Variants in ABCC5 observed in about 807,000 individuals in gnomAD.
The protein encoded by ABCC5 is ATP binding cassette subfamily C member 5, also known as ATP-binding cassette sub-family C member 5.
Under a neutral mutation model 160.9 loss-of-function variants are expected in ABCC5, and 61 were observed. The ratio of observed to expected loss-of-function variants is 0.38; its 90% CI spans 0.31 to 0.47. The LOEUF is 0.47. ABCC5 is among the 20% of genes least tolerant of loss of function. ABCC5 has a pLI of 0.99. For synonymous variants in ABCC5, 666 were observed against 700.6 expected (o/e 0.95, Z 0.78); for missense variants, 1,308 against 1,813.3 (o/e 0.72, Z 5.06).
chr3:183,959,620 C>T (rs986290397), intron 17 of ABCC5, 113 bp downstream of exon 17: 10 of 797,788 alleles, frequency 1.3e-5, no homozygotes, highest in Non-Finnish European at 2.0e-5. Flanking sequence ...AATGTAAGAC[C>T]AAGTATTTAT....
chr3:183,987,834 C>A lies in ABCC5; in HGVS notation c.527G>T (p.Arg176Leu). 1 of 1,613,918 alleles carries A rather than the reference C, an allele frequency of 6.2e-7. No homozygotes were observed. Among genetic ancestry groups the A allele is most frequent in the South Asian group, 1.1e-5 (1 of 91,062 alleles). ...SLRRVVWIFC[R>L]TRLILSIVCL... Reference sequence around the variant, plus strand: ...CACGATGGACAGGATGAGCCTGGTGCGGCAGAAGATCCACACAACCCTTCG... The same window carrying A: ...CACGATGGACAGGATGAGCCTGGTGAGGCAGAAGATCCACACAACCCTTCG... The change falls in exon 5 of 30, where the codon CGC (arginine) becomes CTC (leucine). Residue 176 changes from arginine to leucine, a missense_variant. Arg to Leu is a moderately radical substitution (Grantham distance 102). Coordinates refer to ENST00000334444, the MANE Select transcript of ABCC5 (RefSeq NM_005688.4). This position sits in a 1 kb window ranked among gnomAD's most constrained non-coding sequence, Gnocchi z 4.2.
Position 183,956,551 on chromosome 3 carries a change from C to A in ABCC5, c.2482+3182G>T, listed in dbSNP as rs187841293. Reference sequence around the variant, plus strand: ...ATGCAGATCAGTGTGTATATCACATCGGTTACATGCAGATCAGTGTGTATA... The same window carrying A: ...ATGCAGATCAGTGTGTATATCACATAGGTTACATGCAGATCAGTGTGTATA... On this transcript the variant is annotated intron_variant, in intron 17 of 29. Transcript: ENST00000334444. Among the ~76,000 whole-genome samples the A allele has an allele frequency of 5.4e-5, 8 of 147,084 alleles. No individual in the cohort carries two copies. The East Asian group carries it at 1.7e-3, about 32-fold the overall frequency.
Position 183,987,972 on chromosome 3 carries a change from A to C in ABCC5, c.444-55T>G. 1 of 1,584,674 alleles carries C rather than the reference A, an allele frequency of 6.3e-7. No individual in the cohort carries two copies. Among genetic ancestry groups the C allele is most frequent in the Non-Finnish European group, 8.6e-7 (1 of 1,163,210 alleles). Reference sequence around the variant, plus strand: ...ATCTCCTCGGGGGAAAGGCACACCTAGCTCCCCGCCTGCCACCACTTTTTG... The same window carrying C: ...ATCTCCTCGGGGGAAAGGCACACCTCGCTCCCCGCCTGCCACCACTTTTTG... On this transcript the variant is annotated intron_variant, in intron 4 of 29. Coordinates refer to ENST00000334444, the MANE Select transcript of ABCC5 (RefSeq NM_005688.4). This position sits in a 1 kb window ranked among gnomAD's most constrained non-coding sequence, Gnocchi z 4.2.
intron 2 of ABCC5, among the ~76,000 whole-genome samples, chr3:183,991,180 C>T (rs1576912044): frequency 6.6e-6 from 1 of 151,798 alleles, no homozygotes; most frequent in East Asian, 1.9e-4. Context: ...GCCTGCAGTA[C>T]CAGCTACTTG....
At chr3:183,937,407 C>G (rs1391005916) in intron 26 of ABCC5, among the ~76,000 whole-genome samples, 1 of 152,092 alleles carries the variant, frequency 6.6e-6, no homozygotes, top group African/African-American at 2.4e-5. Flanking sequence ...CTGCAACTTT[C>G]AGCGCACCTA....
rs148916604 is a variant in ABCC5 at position 183,975,383 on chromosome 3, C to T, written c.1404+2134G>A. ...CTGAGACAGAGTCTCGCTGTGTTGCCCAGGCTGGAGTGCAGTGGCGCGATC... is the reference window on the plus strand; with the variant it reads ...CTGAGACAGAGTCTCGCTGTGTTGCTCAGGCTGGAGTGCAGTGGCGCGATC... On this transcript the variant is annotated intron_variant, in intron 10 of 29. Transcript: ENST00000334444. Among the ~76,000 whole-genome samples, 96 of 152,010 alleles carry T rather than the reference C, an allele frequency of 6.3e-4. 1 individual carries two copies. In the East Asian group the frequency reaches 0.016, roughly 26 times the overall value.
In ABCC5 at chr3:183,978,485, C is replaced by T. The variant is rs1396213403; in HGVS notation, c.1296+18G>A. 11 of 1,604,510 alleles carry T rather than the reference C, an allele frequency of 6.9e-6. No homozygotes were observed. In the East Asian group the frequency reaches 1.6e-4, roughly 23 times the overall value. On this transcript the variant is annotated intron_variant, in intron 9 of 29. Coordinates refer to ENST00000334444, the MANE Select transcript of ABCC5 (RefSeq NM_005688.4). ...GTGGTATTTCTAAAATGTTCCCCATCCCTGAGGGTTCCCTGACCTGTGCTG... is the reference window on the plus strand; with the variant it reads ...GTGGTATTTCTAAAATGTTCCCCATTCCTGAGGGTTCCCTGACCTGTGCTG...
intron 1 of ABCC5, 80 bp from the exon 2 acceptor site, chr3:184,014,527 A>G (rs76912276): frequency 3.4e-5 from 8 of 235,006 alleles, no homozygotes; most frequent in Middle Eastern, 1.8e-3. Context: ...TAAAAATAGG[A>G]AAAAAAAAAA....
Position 183,958,135 on chromosome 3 carries a change from C to T in ABCC5, c.2482+1598G>A, listed in dbSNP as rs1222699630. On this transcript the variant is annotated intron_variant, in intron 17 of 29. Transcript: ENST00000334444. ...ATATCACATCGGTTACATGCAGATC[C>T]GTGTGTATATCACATTGGTTACATG... is the stretch of plus-strand genomic sequence containing the variant. Among the ~76,000 whole-genome samples, 11 of 152,258 alleles carry T rather than the reference C, an allele frequency of 7.2e-5. No individual in the cohort carries two copies. The East Asian group carries it at 1.3e-3, about 19-fold the overall frequency.
intron 17 of ABCC5, among the ~76,000 whole-genome samples, chr3:183,958,081 T>C (rs1368364538): frequency 1.3e-5 from 2 of 152,206 alleles, no homozygotes; most frequent in Non-Finnish European, 1.5e-5. Context: ...TGTGTGTATA[T>C]CACATCTGGT....
chr3:183,931,101 A>T (rs1373959667), intron 26 of ABCC5, among the ~76,000 whole-genome samples: 1 of 152,224 alleles, frequency 6.6e-6, no homozygotes, highest in Non-Finnish European at 1.5e-5. Flanking sequence ...GAAATCAAGC[A>T]ATTATAACAA....
Position 183,985,401 on chromosome 3 carries a change from G to A in ABCC5, c.591+2369C>T, listed in dbSNP as rs76295081. Reference sequence around the variant, plus strand: ...ATTCTAAAGAACAGCTTCTGTCACTGGTTCCACTACAGAGAGACTCCCCCC... The same window carrying A: ...ATTCTAAAGAACAGCTTCTGTCACTAGTTCCACTACAGAGAGACTCCCCCC... On this transcript the variant is annotated intron_variant, in intron 5 of 29. Transcript: ENST00000334444. The A allele has an allele frequency of 0.011, 17,584 of 1,602,474 alleles. 118 individuals carry two copies. Among genetic ancestry groups the A allele is most frequent in the Non-Finnish European group, 0.014 (15,969 of 1,169,484 alleles).
chr3:183,961,785 C>G (rs1716762073), intron 15 of ABCC5, 131 bp from the exon 16 acceptor site: 4 of 1,169,170 alleles, frequency 3.4e-6, no homozygotes, highest in Non-Finnish European at 4.8e-6. Context: ...CATCTGGAGA[C>G]ATTTTTTTTT....
intron 14 of ABCC5, among the ~76,000 whole-genome samples, chr3:183,964,759 T>C (rs901916887): frequency 6.6e-6 from 1 of 152,240 alleles, no homozygotes; most frequent in African/African-American, 2.4e-5. Context: ...CTCTGGAAAC[T>C]GCTGCAGGGC....
At chr3:184,005,567 T>G (rs750106178) in intron 2 of ABCC5, among the ~76,000 whole-genome samples, 7 of 150,424 alleles carry the variant, frequency 4.7e-5, no homozygotes, top group Non-Finnish European at 1.0e-4. Flanking sequence ...AGTCCCTGTT[T>G]CTTTGCGTTG....
intron 12 of ABCC5, 161 bp downstream of exon 12, chr3:183,967,534 G>T: frequency 1.5e-6 from 1 of 658,984 alleles, no homozygotes; most frequent in South Asian, 1.7e-5. Context: ...GCTGTGAAGG[G>T]GGAGAACTGG....
intron 2 of ABCC5, among the ~76,000 whole-genome samples, chr3:183,990,375 G>A (rs1427848256): frequency 1.3e-5 from 2 of 152,180 alleles, no homozygotes; most frequent in African/African-American, 2.4e-5. Context: ...AAAGTGTTGG[G>A]ATTATAGGTG....
intron 2 of ABCC5, among the ~76,000 whole-genome samples, chr3:183,997,263 G>A (rs543061552): frequency 1.4e-3 from 220 of 152,260 alleles, no homozygotes; most frequent in African/African-American, 5.1e-3. Flanking sequence ...ATGAATTTTA[G>A]AAGATAGATA....
intron 5 of ABCC5, chr3:183,986,422 C>A (rs1183927329): frequency 6.6e-6 from 1 of 152,160 alleles, no homozygotes; most frequent in Non-Finnish European, 1.5e-5. Flanking sequence ...GAGGTTAGTA[C>A]CCCAGTGTTC....
Sources: allele counts gnomAD v4.1 joint callset (sites outside exome capture counted in the v4.1 genomes callset), GRCh38; gene constraint gnomAD v4.1.1; non-coding constraint Gnocchi (gnomAD v3.1); transcripts MANE v1.5; gene names NCBI Gene and HGNC (gene_info 2026-07-23, HGNC 2026-07-21).